Variants in SUCLG2 observed in about 807,000 individuals in gnomAD.
The protein encoded by SUCLG2 is succinate--CoA ligase [GDP-forming] subunit beta, mitochondrial.
In SUCLG2, 42 loss-of-function variants were observed where a neutral mutation model predicts 47.9. The ratio of observed to expected loss-of-function variants is 0.88; its 90% CI spans 0.69 to 1.14. The LOEUF is 1.14. Ranked by LOEUF, SUCLG2 falls within the 50% of genes most tolerant of loss-of-function variation. SUCLG2 has a pLI of 0.00. For missense variants in SUCLG2, 571 were observed against 525.9 expected (o/e 1.09, Z -0.84); for synonymous variants, 195 against 197.3 (o/e 0.99, Z 0.10).
chr3:67,514,833 G>T (rs571783447), intron 6 of SUCLG2, among the ~76,000 whole-genome samples: 81 of 152,294 alleles, frequency 5.3e-4, no homozygotes, highest in Middle Eastern at 6.8e-3. Flanking sequence ...TAAAAAGAAA[G>T]AGACAAACTT....
intron 9 of SUCLG2, among the ~76,000 whole-genome samples, chr3:67,450,604 C>T (rs541806252): frequency 1.3e-5 from 2 of 152,314 alleles, no homozygotes; most frequent in East Asian, 3.9e-4. Flanking sequence ...CTGGCATTTG[C>T]TGTATTTCCT....
intron 9 of SUCLG2, among the ~76,000 whole-genome samples, chr3:67,456,954 G>A (rs1163656183): frequency 1.3e-5 from 2 of 152,112 alleles, no homozygotes; most frequent in African/African-American, 4.8e-5. Flanking sequence ...CCTTTATGTA[G>A]TTTTTGAAAA....
At chr3:67,602,409 C>A (rs1253475372) in intron 2 of SUCLG2, among the ~76,000 whole-genome samples, 7 of 152,194 alleles carry the variant, frequency 4.6e-5, no homozygotes, top group African/African-American at 1.7e-4. Flanking sequence ...TGCCTGCCCA[C>A]AACCCGCCTT....
intron 1 of SUCLG2, among the ~76,000 whole-genome samples, chr3:67,652,581 T>A (rs1701306598): frequency 6.6e-6 from 1 of 152,174 alleles, no homozygotes; most frequent in South Asian, 2.1e-4. Flanking sequence ...AAGATGGTCA[T>A]AAAGAAAAAA....
intron 2 of SUCLG2, among the ~76,000 whole-genome samples, chr3:67,570,302 C>A (rs1707570577): frequency 6.6e-6 from 1 of 152,218 alleles, no homozygotes; most frequent in Non-Finnish European, 1.5e-5. Flanking sequence ...CATTTACATT[C>A]TCCCTGAATT....
chr3:67,393,872 A>G (rs1011644559), intron 10 of SUCLG2, among the ~76,000 whole-genome samples: 15 of 152,124 alleles, frequency 9.9e-5, no homozygotes, highest in African/African-American at 2.7e-4. Context: ...ATGAAAACCC[A>G]CTGTTCTGCA....
In SUCLG2 at chr3:67,650,843, G is replaced by A. The variant is rs140017558; in HGVS notation, c.84+3660C>T. 1.1e-4 allele frequency among the ~76,000 whole-genome samples: 17 copies of A among 152,252 alleles called. No homozygotes were observed. In the East Asian group the frequency reaches 3.3e-3, roughly 29 times the overall value. On this transcript the variant is annotated intron_variant, in intron 1 of 10. Coordinates refer to ENST00000307227, the MANE Select transcript of SUCLG2 (RefSeq NM_003848.4). ...TGAACTTCCACTAGCCAAAGAGAGGGGAAATACCCTAAGAGACAACAAAAC... is the reference window on the plus strand; with the variant it reads ...TGAACTTCCACTAGCCAAAGAGAGGAGAAATACCCTAAGAGACAACAAAAC...
chr3:67,526,757 TG>T (rs1422183326), intron 4 of SUCLG2, among the ~76,000 whole-genome samples: 1 of 152,146 alleles, frequency 6.6e-6, no homozygotes, highest in African/African-American at 2.4e-5. Flanking sequence ...CAATGTAAAA[TG>T]GAACAGCCAT....
chr3:67,366,590 T>C (rs1255794394), intron 10 of SUCLG2, among the ~76,000 whole-genome samples: 1 of 152,206 alleles, frequency 6.6e-6, no homozygotes, highest in Non-Finnish European at 1.5e-5. Context: ...TATTTTAAAA[T>C]GGTGTATTCT....
chr3:67,559,262 C>T (rs369376472), intron 2 of SUCLG2, among the ~76,000 whole-genome samples: 1 of 152,102 alleles, frequency 6.6e-6, no homozygotes, highest in African/African-American at 2.4e-5. Flanking sequence ...AAGAAAACTA[C>T]CTGTATTAGT....
chr3:67,471,701 C>T (rs1399464756), intron 9 of SUCLG2, among the ~76,000 whole-genome samples: 5 of 147,522 alleles, frequency 3.4e-5, no homozygotes, highest in East Asian at 2.0e-4. Flanking sequence ...TAGGGGAGAA[C>T]CTTGGTCTGT....
chr3:67,535,588 TA>T (rs972436271), intron 2 of SUCLG2, among the ~76,000 whole-genome samples: 3 of 152,010 alleles, frequency 2.0e-5, no homozygotes, highest in African/African-American at 7.2e-5. Context: ...AAATTAAATT[TA>T]AAAATAAATA....
chr3:67,541,989 C>G (rs1452601720), intron 2 of SUCLG2, among the ~76,000 whole-genome samples: 8 of 152,070 alleles, frequency 5.3e-5, no homozygotes, highest in Non-Finnish European at 1.0e-4. Flanking sequence ...CTGCCTCAGC[C>G]TCCCAAGTAG....
chr3:67,469,387 C>T (rs1361536470), intron 9 of SUCLG2, among the ~76,000 whole-genome samples: 3 of 152,302 alleles, frequency 2.0e-5, no homozygotes, highest in East Asian at 1.9e-4. Flanking sequence ...TCAACCTTTA[C>T]CCTAGGCCTC....
intron 1 of SUCLG2, among the ~76,000 whole-genome samples, chr3:67,610,896 T>C (rs1159014184): frequency 6.6e-6 from 1 of 152,152 alleles, no homozygotes; most frequent in South Asian, 2.1e-4. Flanking sequence ...GATTCAAAGC[T>C]CTATACCCCC....
At chr3:67,375,963 G>A in intron 10 of SUCLG2, 104 bp from the exon 11 acceptor site, 2 of 1,453,300 alleles carry the variant, frequency 1.4e-6, no homozygotes, top group South Asian at 3.1e-5. Flanking sequence ...CTTTTCACTA[G>A]GAAATGAATT....
intron 9 of SUCLG2, among the ~76,000 whole-genome samples, chr3:67,430,637 C>T (rs1703451782): frequency 6.6e-6 from 1 of 151,902 alleles, no homozygotes; most frequent in Non-Finnish European, 1.5e-5. Context: ...CACAAAAAAC[C>T]CTTCAAAAAA....
chr3:67,614,226 G>C (rs1700583851), intron 1 of SUCLG2, among the ~76,000 whole-genome samples: 2 of 152,068 alleles, frequency 1.3e-5, no homozygotes, highest in African/African-American at 4.8e-5. Flanking sequence ...TTGCCAGCCT[G>C]CCCTCAGGAC....
chr3:67,418,853 C>T, intron 9 of SUCLG2, among the ~76,000 whole-genome samples: 1 of 152,104 alleles, frequency 6.6e-6, no homozygotes, highest in Non-Finnish European at 1.5e-5. Context: ...TCTCCTGGAA[C>T]TCAGGGATAA....
Sources: allele counts gnomAD v4.1 joint callset (sites outside exome capture counted in the v4.1 genomes callset), GRCh38; gene constraint gnomAD v4.1.1; transcripts MANE v1.5; gene names NCBI Gene and HGNC (gene_info 2026-07-23, HGNC 2026-07-21).